Variants in ROBO2 observed in about 807,000 individuals in gnomAD.
ROBO2 encodes roundabout guidance receptor 2, also known as roundabout homolog 2.
ROBO2 carries 53 observed loss-of-function variants against 160.8 expected under a neutral mutation model. The observed-to-expected ratio is 0.33, with a 90% CI of 0.26 to 0.41. The LOEUF is 0.41. Ranked by LOEUF, ROBO2 falls within the 10% of genes least tolerant of loss-of-function variation. The pLI, the probability that ROBO2 is intolerant of heterozygous loss-of-function variation, is 1.00. For missense variants in ROBO2, 1,577 were observed against 1,722.4 expected (o/e 0.92, Z 1.49); for synonymous variants, 664 against 611.7 (o/e 1.09, Z -1.26).
At chr3:76,535,225 T>C (rs947533070) in intron 2 of ROBO2, among the ~76,000 whole-genome samples, 1 of 151,998 alleles carries the variant, frequency 6.6e-6, no homozygotes, top group African/African-American at 2.4e-5. Flanking sequence ...ATGGGAAGGA[T>C]AATCTGATTT....
In ROBO2 at chr3:77,400,718, G is replaced by A. The variant is rs114284584; in HGVS notation, c.389-76696G>A. 2.2e-3 allele frequency among the ~76,000 whole-genome samples: 337 copies of A among 152,072 alleles called. 1 individual carries two copies. Among genetic ancestry groups the A allele is most frequent in the African/African-American group, 7.9e-3 (328 of 41,474 alleles). ...TTAGTATGGGGCTAATTATGCATTC[G>A]CGAGTGAGCTAAATGCAGATGTAGT... On this transcript the variant is annotated intron_variant, in intron 2 of 25. Transcript: ENST00000461745.
At chr3:76,419,930 T>TA (rs1350673248) in intron 2 of ROBO2, among the ~76,000 whole-genome samples, 1 of 152,190 alleles carries the variant, frequency 6.6e-6, no homozygotes, top group Non-Finnish European at 1.5e-5. Context: ...CCATTTGGAA[T>TA]AAAAAATACA....
chr3:76,049,934 C>A (rs1304886297), intron 2 of ROBO2, among the ~76,000 whole-genome samples: 1 of 152,078 alleles, frequency 6.6e-6, no homozygotes, highest in East Asian at 1.9e-4. Flanking sequence ...TGTAAAATAA[C>A]CCAAGCATAG....
intron 2 of ROBO2, among the ~76,000 whole-genome samples, chr3:76,382,495 G>A (rs2076683302): frequency 1.3e-5 from 2 of 152,204 alleles, no homozygotes; most frequent in Admixed American, 6.5e-5. Flanking sequence ...GCTGAGGCAG[G>A]AGAATGGCGT....
chr3:76,884,092 T>A (rs192425095), intron 2 of ROBO2, among the ~76,000 whole-genome samples: 1 of 152,230 alleles, frequency 6.6e-6, no homozygotes, highest in Non-Finnish European at 1.5e-5. Context: ...TTATGAATCA[T>A]CTAAGTAGCA....
At chr3:76,812,867 A>G (rs989676001) in intron 2 of ROBO2, among the ~76,000 whole-genome samples, 30 of 150,550 alleles carry the variant, frequency 2.0e-4, no homozygotes, top group Admixed American at 1.9e-3. Flanking sequence ...ATTAAATGTA[A>G]TCTGTTTCCT....
At chr3:76,487,855 T>C (rs1259937402) in intron 2 of ROBO2, among the ~76,000 whole-genome samples, 1 of 152,176 alleles carries the variant, frequency 6.6e-6, no homozygotes, top group Non-Finnish European at 1.5e-5. Context: ...CACATGACTA[T>C]CTCCGTGGAC....
chr3:77,342,504 A>G (rs113668185), intron 2 of ROBO2, among the ~76,000 whole-genome samples: 1,614 of 152,276 alleles, frequency 0.011, 21 homozygotes, highest in Middle Eastern at 0.017. Flanking sequence ...AGTTGCATGT[A>G]TGAACATAAA....
intron 2 of ROBO2, among the ~76,000 whole-genome samples, chr3:76,571,810 A>C (rs1229555259): frequency 1.3e-5 from 2 of 152,160 alleles, no homozygotes; most frequent in African/African-American, 4.8e-5. Flanking sequence ...ATTTTTTAAA[A>C]CCATCTTCCG....
At position 75,948,180 on chromosome 3, in the gene ROBO2, A is replaced by T. The variant is rs113984976; in HGVS notation, c.109+10578A>T. On this transcript the variant is annotated intron_variant, in intron 2 of 26. Transcript: ENST00000487694. ...AGGATCTAGCTGTTGTGTTTAGTGG[A>T]CTTTTATCAGTCTTTTTGTTGTGTA... Among the ~76,000 whole-genome samples, 964 of 152,212 alleles carry T rather than the reference A, an allele frequency of 6.3e-3. 11 individuals are homozygous for T. Among genetic ancestry groups the T allele is most frequent in the African/African-American group, 0.022 (934 of 41,560 alleles).
chr3:76,515,721 C>A (rs535116792), intron 2 of ROBO2, among the ~76,000 whole-genome samples: 1 of 152,208 alleles, frequency 6.6e-6, no homozygotes, highest in South Asian at 2.1e-4. Context: ...CAGTTATTGT[C>A]TTTAATATTG....
chr3:76,212,547 TGTTA>T (rs1159524473), intron 2 of ROBO2, among the ~76,000 whole-genome samples: 3 of 152,180 alleles, frequency 2.0e-5, no homozygotes, highest in South Asian at 2.1e-4. Flanking sequence ...TTGGAATATT[TGTTA>T]GTTTGTTTCT....
chr3:77,511,254 G>A (rs1197832276), intron 5 of ROBO2, among the ~76,000 whole-genome samples: 1 of 151,972 alleles, frequency 6.6e-6, no homozygotes, highest in Non-Finnish European at 1.5e-5. Context: ...TAAGATGGGA[G>A]AGACGGGCAC....
intron 1 of ROBO2, among the ~76,000 whole-genome samples, chr3:75,914,159 T>G (rs1946713603): frequency 6.6e-6 from 1 of 152,220 alleles, no homozygotes; most frequent in Non-Finnish European, 1.5e-5. Context: ...CATGCTTTAC[T>G]GGTTATTGTG....
intron 2 of ROBO2, among the ~76,000 whole-genome samples, chr3:76,880,749 T>C (rs2148742063): frequency 6.6e-6 from 1 of 152,290 alleles, no homozygotes; most frequent in African/African-American, 2.4e-5. Flanking sequence ...AGGTTCATTC[T>C]TGATAACGCT....
At chr3:76,403,095 G>T (rs1261657171) in intron 2 of ROBO2, among the ~76,000 whole-genome samples, 3 of 151,486 alleles carry the variant, frequency 2.0e-5, no homozygotes, top group Non-Finnish European at 4.4e-5. Context: ...AATGTACAAA[G>T]AACTGGAATA....
intron 2 of ROBO2, among the ~76,000 whole-genome samples, chr3:76,473,996 T>C (rs9860809): frequency 0.052 from 7,904 of 152,164 alleles, 672 homozygotes; most frequent in African/African-American, 0.18. Context: ...TCATGTGTAG[T>C]GTTTTGCAAG....
chr3:77,120,470 A>C (rs1322381262), intron 2 of ROBO2, among the ~76,000 whole-genome samples: 2 of 152,238 alleles, frequency 1.3e-5, no homozygotes, highest in East Asian at 3.8e-4. Context: ...GTTAATATTA[A>C]GTTAATAGTT....
intron 2 of ROBO2, among the ~76,000 whole-genome samples, chr3:76,194,365 T>TATATAC (rs1702158514): frequency 8.3e-6 from 1 of 119,892 alleles, no homozygotes; most frequent in African/African-American, 3.5e-5. Flanking sequence ...TATATATATA[T>TATATAC]ATATATATAT....
Sources: allele counts gnomAD v4.1 joint callset (sites outside exome capture counted in the v4.1 genomes callset), GRCh38; gene constraint gnomAD v4.1.1; transcripts MANE v1.5; gene names NCBI Gene and HGNC (gene_info 2026-07-23, HGNC 2026-07-21).